LRRTM4: variants seen among roughly 807,000 people sequenced by gnomAD.
LRRTM4 encodes leucine-rich repeat transmembrane neuronal protein 4.
A neutral mutation model predicts 47.6 loss-of-function variants in LRRTM4; 25 were observed. That is an observed-to-expected ratio of 0.53 (90% CI 0.38 to 0.73). The LOEUF (loss-of-function observed/expected upper bound fraction) is 0.73, where lower values mean the gene tolerates loss of function less well. Ranked by LOEUF, LRRTM4 falls within the 30% of genes least tolerant of loss-of-function variation. The probability of loss-of-function intolerance (pLI) is 0.00; values close to 1 mark genes in which losing one functional copy is unlikely to be tolerated. For missense variants in LRRTM4, 638 were observed against 713.4 expected, an observed-to-expected ratio of 0.89 and a Z score of 1.20; for synonymous variants, 311 against 269.5, an observed-to-expected ratio of 1.15 and a Z score of -1.51.
intron 3 of LRRTM4, among the ~76,000 whole-genome samples, chr2:77,347,871 T>G (rs1401175572): frequency 6.6e-6 from 1 of 151,970 alleles, no homozygotes; most frequent in Non-Finnish European, 1.5e-5. Context: ...ACATCATCTA[T>G]TTCTTTATAT....
chr2:76,905,172 C>G (rs1673783003), intron 3 of LRRTM4, among the ~76,000 whole-genome samples: 1 of 152,186 alleles, frequency 6.6e-6, no homozygotes, highest in South Asian at 2.1e-4. Flanking sequence ...AACGATCAGA[C>G]AGCAGCATTT....
At chr2:77,064,817 G>A (rs1011314495) in intron 3 of LRRTM4, among the ~76,000 whole-genome samples, 3 of 152,072 alleles carry the variant, frequency 2.0e-5, no homozygotes, top group Admixed American at 6.6e-5. Flanking sequence ...TATCTGGGCC[G>A]TGCTTTTTTC....
At chr2:77,200,043 T>A (rs555961919) in intron 3 of LRRTM4, among the ~76,000 whole-genome samples, 1 of 152,162 alleles carries the variant, frequency 6.6e-6, no homozygotes, top group South Asian at 2.1e-4. Flanking sequence ...TAAACAAAGT[T>A]AAACATGTGT....
At chr2:77,127,583 T>G (rs1303056005) in intron 3 of LRRTM4, among the ~76,000 whole-genome samples, 1 of 152,190 alleles carries the variant, frequency 6.6e-6, no homozygotes, top group Admixed American at 6.5e-5. Flanking sequence ...AGCTTCCATC[T>G]TGGTAATCCC....
intron 3 of LRRTM4, among the ~76,000 whole-genome samples, chr2:76,845,528 G>C (rs555212790): frequency 1.2e-4 from 19 of 152,196 alleles, no homozygotes; most frequent in Middle Eastern, 3.4e-3. Flanking sequence ...CTCCAGGGAG[G>C]GAGGCAGGCC....
chr2:76,907,122 A>T (rs1673870821), intron 3 of LRRTM4, among the ~76,000 whole-genome samples: 1 of 151,754 alleles, frequency 6.6e-6, no homozygotes, highest in African/African-American at 2.4e-5. Flanking sequence ...ATGTAAAAGA[A>T]CAGAAATTAT....
intron 3 of LRRTM4, among the ~76,000 whole-genome samples, chr2:77,477,467 C>T (rs1047911315): frequency 6.6e-6 from 1 of 152,046 alleles, no homozygotes; most frequent in African/African-American, 2.4e-5. Context: ...ATTTATCTTC[C>T]TTTTAAAAGA....
intron 3 of LRRTM4, among the ~76,000 whole-genome samples, chr2:76,959,274 G>A (rs1381550784): frequency 6.6e-6 from 1 of 151,522 alleles, no homozygotes; most frequent in Admixed American, 6.6e-5. Flanking sequence ...TAAAACAAAT[G>A]TCATGGTGGA....
At position 77,051,934 on chromosome 2, in the gene LRRTM4, C is replaced by A. The variant is rs559423890; in HGVS notation, c.1552-303018G>T. On this transcript the variant is annotated intron_variant, in intron 3 of 3. Transcript: ENST00000409884. ...ACTATCTTCAGACATGTAATTGTTTCTTGGGTCTTAAATGCTTTCATTTCC... is the reference window on the plus strand; with the variant it reads ...ACTATCTTCAGACATGTAATTGTTTATTGGGTCTTAAATGCTTTCATTTCC... 6.1e-4 allele frequency among the ~76,000 whole-genome samples: 92 copies of A among 151,980 alleles called. 1 individual carries two copies. The highest frequency in any genetic ancestry group is 6.5e-4 in the Non-Finnish European group (44 of 67,976).
chr2:77,089,334 G>T (rs1241515268), intron 3 of LRRTM4, among the ~76,000 whole-genome samples: 1 of 151,612 alleles, frequency 6.6e-6, no homozygotes, highest in African/African-American at 2.4e-5. Flanking sequence ...TTCTAGAGGA[G>T]GGACAAGTAC....
chr2:77,496,848 C>A lies in LRRTM4; in HGVS notation c.1551+21470G>T, dbSNP rs188841505. Reference sequence around the variant, plus strand: ...CCTCCTCTTCAATTCTTTTTTCAAGCCTCTTCAACTTATATAGAATTTGCA... The same window carrying A: ...CCTCCTCTTCAATTCTTTTTTCAAGACTCTTCAACTTATATAGAATTTGCA... On this transcript the variant is annotated intron_variant, in intron 3 of 3. Coordinates refer to ENST00000409884, the MANE Select transcript of LRRTM4 (RefSeq NM_001134745.3). 6.7e-4 allele frequency among the ~76,000 whole-genome samples: 101 copies of A among 151,596 alleles called. 2 individuals carry two copies. The highest frequency in any genetic ancestry group is 2.6e-4 in the Admixed American group (4 of 15,186).
chr2:77,232,603 T>C (rs796370020), intron 3 of LRRTM4, among the ~76,000 whole-genome samples: 7 of 152,338 alleles, frequency 4.6e-5, no homozygotes, highest in African/African-American at 1.7e-4. Flanking sequence ...TTCTTTGCTC[T>C]GGTTATGAAA....
intron 3 of LRRTM4, among the ~76,000 whole-genome samples, chr2:76,769,667 G>A (rs767491583): frequency 7.9e-5 from 12 of 152,076 alleles, no homozygotes; most frequent in Non-Finnish European, 1.6e-4. Context: ...AAACTCTCAT[G>A]TCTGACGCCA....
At chr2:77,413,868 A>G (rs1400596749) in intron 3 of LRRTM4, among the ~76,000 whole-genome samples, 4 of 146,830 alleles carry the variant, frequency 2.7e-5, no homozygotes, top group African/African-American at 4.9e-5. Context: ...ACACACACAC[A>G]AAACCCCATA....
chr2:77,282,656 A>G (rs1309868872), intron 3 of LRRTM4, among the ~76,000 whole-genome samples: 5 of 151,994 alleles, frequency 3.3e-5, no homozygotes, highest in Admixed American at 6.6e-5. Context: ...ACATAGACCA[A>G]TGGAACAGAA....
chr2:77,205,300 G>A (rs1261301820), intron 3 of LRRTM4, among the ~76,000 whole-genome samples: 1 of 152,162 alleles, frequency 6.6e-6, no homozygotes, highest in African/African-American at 2.4e-5. Context: ...CAAGAAAATA[G>A]GACGATATCA....
intron 3 of LRRTM4, among the ~76,000 whole-genome samples, chr2:77,499,490 G>A: frequency 6.6e-6 from 1 of 151,780 alleles, no homozygotes; most frequent in East Asian, 1.9e-4. Flanking sequence ...AGGCATGATA[G>A]GAATAAAGAA....
intron 3 of LRRTM4, among the ~76,000 whole-genome samples, chr2:77,436,351 T>C (rs1675599436): frequency 6.6e-6 from 1 of 152,008 alleles, no homozygotes; most frequent in Non-Finnish European, 1.5e-5. Flanking sequence ...ATACAGAAAA[T>C]CATCTGTCTT....
chr2:77,117,980 A>G (rs1671432549), intron 3 of LRRTM4, among the ~76,000 whole-genome samples: 1 of 152,000 alleles, frequency 6.6e-6, no homozygotes, highest in South Asian at 2.1e-4. Flanking sequence ...ACTGCAAATT[A>G]CTATCAAAAT....
Sources: gnomAD v4.1 joint callset for allele counts (sites outside exome capture counted in the v4.1 genomes callset) on GRCh38, gnomAD v4.1.1 for gene constraint, MANE v1.5 for transcripts, NCBI Gene and HGNC (gene_info 2026-07-23, HGNC 2026-07-21) for gene names.